The following KDM4C variants were observed in gnomAD, a reference collection of about 807,000 sequenced individuals.
KDM4C encodes the protein lysine-specific demethylase 4C.
KDM4C carries 81 observed loss-of-function variants against 129.3 expected under a neutral mutation model. The ratio of observed to expected loss-of-function variants is 0.63; its 90% confidence interval spans 0.52 to 0.75. The LOEUF is 0.75. KDM4C is among the 30% of genes least tolerant of loss of function. The pLI is 0.00. For missense variants in KDM4C, 1,457 were observed against 1,304.0 expected (o/e 1.12, Z -1.81); for synonymous variants, 573 against 456.1 (o/e 1.26, Z -3.26).
In KDM4C at chr9:6,729,218, A is replaced by AAAAG. The variant is rs1175308668; in HGVS notation, c.49+8224_49+8225insGAAA. Among the ~76,000 whole-genome samples the AAAAG allele has an allele frequency of 4.1e-5, 5 of 122,470 alleles. 1 individual carries two copies. Among genetic ancestry groups the AAAAG allele is most frequent in the Non-Finnish European group, 8.0e-5 (5 of 62,272 alleles). 80.3% of individuals were successfully genotyped at this position (122,470 alleles called of 152,430 possible). A position where few individuals can be genotyped will look rare whatever the true frequency, so the allele number is the denominator to read the frequency against. On this transcript the variant is annotated intron_variant, in intron 1 of 17. Transcript: ENST00000536108. ...AGCTCCGTCTCCAAAAAAAAAAAAA[A>AAAAG]AAAAAAAAAGAAGAAGAAAAGAAAT...
intron 4 of KDM4C, among the ~76,000 whole-genome samples, chr9:6,832,548 C>T: frequency 6.8e-6 from 1 of 146,338 alleles, no homozygotes; most frequent in African/African-American, 2.5e-5. Context: ...GCCTCAGCCT[C>T]CCGAGTAGCT....
Position 7,156,716 on chromosome 9 carries a change from C to G in KDM4C, c.2782-8522C>G, listed in dbSNP as rs143441824. On this transcript the variant is annotated intron_variant, in intron 19 of 21. Coordinates refer to ENST00000381309, the MANE Select transcript of KDM4C (RefSeq NM_015061.6). ...TGTTCTGTTCCATTGGTCTATATCT[C>G]TGTTTTGGTACCAGTACCATGCTGT... Among the ~76,000 whole-genome samples the G allele has an allele frequency of 7.7e-3, 1,175 of 152,296 alleles. 12 individuals are homozygous for G. Among genetic ancestry groups the G allele is most frequent in the African/African-American group, 0.027 (1,113 of 41,558 alleles).
chr9:6,871,812 G>C (rs911161236), intron 5 of KDM4C, among the ~76,000 whole-genome samples: 1 of 152,136 alleles, frequency 6.6e-6, no homozygotes, highest in Non-Finnish European at 1.5e-5. Context: ...AAAATGTCTG[G>C]GTGGTGGTAG....
chr9:6,984,109 T>C, intron 9 of KDM4C, 57 bp from the exon 10 acceptor site: 1 of 1,047,334 alleles, frequency 9.5e-7, no homozygotes, highest in Non-Finnish European at 1.5e-6. Flanking sequence ...TATTGGGATG[T>C]GTTTTTCATA....
chr9:6,732,148 C>T (rs574553378), intron 1 of KDM4C, among the ~76,000 whole-genome samples: 6 of 151,232 alleles, frequency 4.0e-5, no homozygotes, highest in Admixed American at 6.6e-5. Context: ...GGGCGGATCA[C>T]GAGGTCAGGA....
At chr9:7,103,035 A>G (rs1587653308) in intron 17 of KDM4C, among the ~76,000 whole-genome samples, 1 of 152,188 alleles carries the variant, frequency 6.6e-6, no homozygotes, top group Non-Finnish European at 1.5e-5. Context: ...CCCAGGCATC[A>G]TCAGCTATAG....
intron 5 of KDM4C, among the ~76,000 whole-genome samples, chr9:6,872,851 A>G (rs1842978102): frequency 6.6e-6 from 1 of 152,216 alleles, no homozygotes; most frequent in African/African-American, 2.4e-5. Flanking sequence ...TTAGAATGGT[A>G]AATGAACATT....
rs1197785253 is a variant in KDM4C, at chr9:7,149,677, C to T, written c.2782-15561C>T. Among the ~76,000 whole-genome samples the T allele has an allele frequency of 3.9e-5, 6 of 152,204 alleles. No homozygotes were observed. In the East Asian group the frequency reaches 1.2e-3, roughly 29 times the overall value. ...TGCATAAAGCAGTTAGTGTGGTGCCCAGCACATAGTAAACAAATGCAGGTA... is the reference window on the plus strand; with the variant it reads ...TGCATAAAGCAGTTAGTGTGGTGCCTAGCACATAGTAAACAAATGCAGGTA... On this transcript the variant is annotated intron_variant, in intron 19 of 21. Transcript: ENST00000381309.
intron 19 of KDM4C, among the ~76,000 whole-genome samples, chr9:7,134,307 A>C (rs1260351959): frequency 6.6e-6 from 1 of 152,228 alleles, no homozygotes; most frequent in Non-Finnish European, 1.5e-5. Flanking sequence ...TACATGTAAA[A>C]GAGTGTCTAA....
intron 15 of KDM4C, among the ~76,000 whole-genome samples, chr9:7,046,091 A>G (rs1477014491): frequency 6.6e-6 from 1 of 152,060 alleles, no homozygotes; most frequent in Admixed American, 6.6e-5. Context: ...AAGGCAGTGC[A>G]CTGCTCTCTG....
intron 4 of KDM4C, 120 bp downstream of exon 4, chr9:6,814,865 G>A: frequency 2.0e-6 from 1 of 503,274 alleles, no homozygotes; most frequent in Admixed American, 3.7e-5. Flanking sequence ...ATTCCTCAAA[G>A]GACAACAGGA....
At chr9:7,005,147 A>G (rs74309249) in intron 12 of KDM4C, among the ~76,000 whole-genome samples, 7,126 of 152,246 alleles carry the variant, frequency 0.047, 344 homozygotes, top group East Asian at 0.26. Flanking sequence ...TTAAGACCCC[A>G]TGAGTAGGCT....
chr9:6,848,261 C>T (rs1838207450), intron 4 of KDM4C, among the ~76,000 whole-genome samples: 2 of 152,092 alleles, frequency 1.3e-5, no homozygotes, highest in South Asian at 2.1e-4. Flanking sequence ...TTCAGTTTCC[C>T]CATGATTACA....
chr9:6,732,387 A>T (rs1817376357), intron 1 of KDM4C, among the ~76,000 whole-genome samples: 1 of 143,814 alleles, frequency 7.0e-6, no homozygotes, highest in Admixed American at 6.8e-5. Context: ...AAAAAAAAAA[A>T]AAAAAAAAAA....
chr9:6,835,139 C>T (rs1835649645), intron 4 of KDM4C: 10 of 980,114 alleles, frequency 1.0e-5, no homozygotes, highest in Admixed American at 3.4e-5. Context: ...ATGGCCATGG[C>T]GGCTTCCAGC....
At chr9:7,027,295 G>C (rs181020709) in intron 15 of KDM4C, among the ~76,000 whole-genome samples, 28 of 152,352 alleles carry the variant, frequency 1.8e-4, no homozygotes, top group African/African-American at 5.3e-4. Flanking sequence ...TGCATTAGCA[G>C]ACACCCCAAG....
chr9:6,731,432 T>A (rs1404874283), intron 1 of KDM4C, among the ~76,000 whole-genome samples: 1 of 146,544 alleles, frequency 6.8e-6, no homozygotes, highest in African/African-American at 2.5e-5. Flanking sequence ...GTTCAAGCAA[T>A]TCTCCTGCCT....
intron 1 of KDM4C, among the ~76,000 whole-genome samples, chr9:6,778,028 G>A (rs1453412405): frequency 6.7e-6 from 1 of 148,758 alleles, no homozygotes. Flanking sequence ...TCAGGGAATC[G>A]TCCTGCCTCA....
At chr9:7,050,103 C>T (rs375231440) in intron 17 of KDM4C, among the ~76,000 whole-genome samples, 3 of 152,014 alleles carry the variant, frequency 2.0e-5, no homozygotes, top group African/African-American at 4.8e-5. Flanking sequence ...CTCTGGGGCT[C>T]TCTTATAGGA....
Sources: allele counts gnomAD v4.1 joint callset (sites outside exome capture counted in the v4.1 genomes callset), GRCh38; gene constraint gnomAD v4.1.1; transcripts MANE v1.5; gene names NCBI Gene and HGNC (gene_info 2026-07-23, HGNC 2026-07-21).